Variants in HEMK2 observed in about 807,000 individuals in gnomAD.
The protein encoded by HEMK2 is HemK methyltransferase 2, ETF1 glutamine and histone H4 lysine.
the HEMK2 span, among the ~76,000 whole-genome samples, chr21:28,776,290 G>A: frequency 1.3e-5 from 2 of 152,196 alleles, no homozygotes; most frequent in Non-Finnish European, 2.9e-5. Flanking sequence ...CCCAGCTGAA[G>A]TCAAGACATC....
chr21:28,686,622 TAA>T, the HEMK2 span, among the ~76,000 whole-genome samples: 3 of 152,320 alleles, frequency 2.0e-5, no homozygotes, highest in African/African-American at 2.4e-5. Flanking sequence ...CAAGAAAGCA[TAA>T]AAGAGTTTAT....
At chr21:28,879,767 C>A in the HEMK2 span, 1 of 834,214 alleles carries the variant, frequency 1.2e-6, no homozygotes. Context: ...TCAGAGTAGT[C>A]TGTGATAGCA....
At chr21:28,620,655 CTTTTCTTTTTTTTTTT>C in the HEMK2 span, among the ~76,000 whole-genome samples, 1 of 65,538 alleles carries the variant, frequency 1.5e-5, no homozygotes, top group African/African-American at 6.2e-5. Context: ...ATTCTTCTCT[CTTTTCTTTTTTTTTTT>C]TTTTTTTTTT....
chr21:28,785,650 G>A, the HEMK2 span, among the ~76,000 whole-genome samples: 1 of 152,210 alleles, frequency 6.6e-6, no homozygotes, highest in African/African-American at 2.4e-5. Flanking sequence ...TCATCACTAT[G>A]TGAATATGCC....
At chr21:28,635,261 C>T in the HEMK2 span, among the ~76,000 whole-genome samples, 1 of 152,044 alleles carries the variant, frequency 6.6e-6, no homozygotes, top group Non-Finnish European at 1.5e-5. Context: ...TGCCACCACA[C>T]CCAGCTAATT....
chr21:28,790,823 G>A, the HEMK2 span, among the ~76,000 whole-genome samples: 1 of 126,872 alleles, frequency 7.9e-6, no homozygotes, highest in Non-Finnish European at 1.6e-5. Context: ...CACACTCTGG[G>A]GACTGTTGTG....
At chr21:28,784,914 T>A in the HEMK2 span, among the ~76,000 whole-genome samples, 1 of 152,214 alleles carries the variant, frequency 6.6e-6, no homozygotes, top group Non-Finnish European at 1.5e-5. Context: ...CTGCTCACTC[T>A]CTGGGTCTGC....
the HEMK2 span, among the ~76,000 whole-genome samples, chr21:28,846,533 G>T: frequency 1.3e-5 from 2 of 151,980 alleles, no homozygotes; most frequent in African/African-American, 4.8e-5. Flanking sequence ...GTTTCAATTC[G>T]CATCTCCCTA....
chr21:28,632,489 C>T, the HEMK2 span, among the ~76,000 whole-genome samples: 1,569 of 152,306 alleles, frequency 0.01, 8 homozygotes, highest in Non-Finnish European at 0.017. Flanking sequence ...AGAAGAGTTT[C>T]TTGACCAATT....
chr21:28,579,934 A>C, the HEMK2 span, among the ~76,000 whole-genome samples: 1 of 152,294 alleles, frequency 6.6e-6, no homozygotes, highest in East Asian at 1.9e-4. Context: ...ATGACTAAAA[A>C]TTTCAAGCAT....
At chr21:28,596,795 A>G in the HEMK2 span, among the ~76,000 whole-genome samples, 1 of 152,194 alleles carries the variant, frequency 6.6e-6, no homozygotes, top group Non-Finnish European at 1.5e-5. Flanking sequence ...AAATCATTAT[A>G]TATTACTGGG....
the HEMK2 span, among the ~76,000 whole-genome samples, chr21:28,799,220 G>A: frequency 4.6e-5 from 7 of 152,306 alleles, no homozygotes; most frequent in Admixed American, 2.6e-4. Flanking sequence ...CCACGTGGCT[G>A]GGGAGGCCTC....
the HEMK2 span, among the ~76,000 whole-genome samples, chr21:28,617,380 T>A: frequency 0.12 from 18,070 of 152,212 alleles, 1,884 homozygotes; most frequent in African/African-American, 0.28. Context: ...CATGCTAAGA[T>A]TATGTTATTT....
the HEMK2 span, among the ~76,000 whole-genome samples, chr21:28,864,820 CAGAT>C: frequency 0.01 from 1,203 of 119,184 alleles, 8 homozygotes; most frequent in African/African-American, 0.029. Context: ...GACAGACAGA[CAGAT>C]AGATAGATAG....
the HEMK2 span, among the ~76,000 whole-genome samples, chr21:28,864,816 C>CGATAGAT: frequency 9.3e-5 from 11 of 117,730 alleles, no homozygotes; most frequent in East Asian, 1.3e-3. Context: ...GAAAGACAGA[C>CGATAGAT]AGACAGATAG....
At chr21:28,686,753 A>G in the HEMK2 span, among the ~76,000 whole-genome samples, 1 of 152,242 alleles carries the variant, frequency 6.6e-6, no homozygotes. Flanking sequence ...AGCACCATGC[A>G]GTCAGAAATT....
chr21:28,843,625 T>G, the HEMK2 span, among the ~76,000 whole-genome samples: 1 of 152,172 alleles, frequency 6.6e-6, no homozygotes, highest in African/African-American at 2.4e-5. Context: ...CTTTAGTCTT[T>G]TAAAGCATGT....
At chr21:28,620,660 C>CTTT in the HEMK2 span, among the ~76,000 whole-genome samples, 22 of 49,650 alleles carry the variant, frequency 4.4e-4, 2 homozygotes, top group East Asian at 1.5e-3. Flanking sequence ...TCTCTCTTTT[C>CTTT]TTTTTTTTTT....
the HEMK2 span, among the ~76,000 whole-genome samples, chr21:28,739,523 C>G: frequency 1.3e-5 from 2 of 152,124 alleles, no homozygotes; most frequent in African/African-American, 4.8e-5. Context: ...GCATTTTTCC[C>G]TAAACTTCAT....
Sources: gnomAD v4.1 joint callset for allele counts (sites outside exome capture counted in the v4.1 genomes callset) on GRCh38, gnomAD v4.1.1 for gene constraint, MANE v1.5 for transcripts, NCBI Gene and HGNC (gene_info 2026-07-23, HGNC 2026-07-21) for gene names.